ELOVL2: variants seen among roughly 807,000 people sequenced by gnomAD.
ELOVL2 encodes the protein ELOVL fatty acid elongase 2, also known as very long chain fatty acid elongase 2.
ELOVL2 carries 38 observed loss-of-function variants against 37.7 expected under a neutral mutation model. The observed-to-expected ratio is 1.01, with a 90% CI of 0.78 to 1.32. The LOEUF is 1.32. ELOVL2 is among the 40% of genes most tolerant of loss of function. ELOVL2 has a pLI of 0.00. For missense variants in ELOVL2, 352 were observed against 363.6 expected (o/e 0.97, Z 0.26); for synonymous variants, 115 against 122.3 (o/e 0.94, Z 0.40).
chr6:11,035,020 T>A (rs1782985739), intron 1 of ELOVL2, among the ~76,000 whole-genome samples: 1 of 151,964 alleles, frequency 6.6e-6, no homozygotes, highest in Non-Finnish European at 1.5e-5. Flanking sequence ...AATAAATAAA[T>A]AAATAAAATA....
intron 5 of ELOVL2, among the ~76,000 whole-genome samples, chr6:10,993,682 CTT>C (rs530998480): frequency 2.0e-5 from 3 of 151,812 alleles, no homozygotes; most frequent in East Asian, 1.9e-4. Context: ...CATGTCTACA[CTT>C]TTTTGTTTTG....
intron 1 of ELOVL2, among the ~76,000 whole-genome samples, chr6:11,043,145 AG>A (rs946464285): frequency 1.3e-5 from 2 of 152,154 alleles, no homozygotes; most frequent in African/African-American, 4.8e-5. Flanking sequence ...CGTGCCTAAA[AG>A]GGTAGCCAGA....
At chr6:10,997,998 G>C (rs919521701) in intron 4 of ELOVL2, among the ~76,000 whole-genome samples, 2 of 152,120 alleles carry the variant, frequency 1.3e-5, no homozygotes, top group African/African-American at 4.8e-5. Context: ...TTTGGGTCAC[G>C]GTGGCAGATC....
intron 1 of ELOVL2, among the ~76,000 whole-genome samples, chr6:11,042,207 G>A (rs1326634154): frequency 3.3e-5 from 5 of 152,112 alleles, no homozygotes; most frequent in Admixed American, 6.5e-5. Flanking sequence ...CAGCTACTCA[G>A]GAGGCTGAGG....
chr6:11,001,425 G>A (rs759462840), intron 3 of ELOVL2, among the ~76,000 whole-genome samples: 1 of 152,192 alleles, frequency 6.6e-6, no homozygotes, highest in Non-Finnish European at 1.5e-5. Context: ...GGGAATCAGC[G>A]ACTGGCTAGA....
At chr6:11,013,714 G>A (rs755324426) in intron 1 of ELOVL2, among the ~76,000 whole-genome samples, 5 of 152,160 alleles carry the variant, frequency 3.3e-5, no homozygotes, top group Non-Finnish European at 7.4e-5. Context: ...AGATACAGGC[G>A]TGCGGATGCA....
At chr6:10,987,727 G>T (rs1013147546) in intron 7 of ELOVL2, among the ~76,000 whole-genome samples, 1 of 152,160 alleles carries the variant, frequency 6.6e-6, no homozygotes, top group African/African-American at 2.4e-5. Flanking sequence ...AAAGTATTCT[G>T]CATTAGTTGC....
chr6:10,989,026 C>T (rs1420716766), intron 7 of ELOVL2, among the ~76,000 whole-genome samples: 2 of 152,232 alleles, frequency 1.3e-5, no homozygotes, highest in Non-Finnish European at 2.9e-5. Context: ...CCTTGCTTTG[C>T]TCCATTCACA....
chr6:10,993,613 G>A lies in ELOVL2; in HGVS notation c.505+1394C>T, dbSNP rs142796019. Among the ~76,000 whole-genome samples the A allele has an allele frequency of 2.7e-3, 412 of 152,248 alleles. 1 individual carries two copies. Among genetic ancestry groups the A allele is most frequent in the African/African-American group, 8.7e-3 (362 of 41,542 alleles). On this transcript the variant is annotated intron_variant, in intron 5 of 7. Coordinates refer to ENST00000354666, the MANE Select transcript of ELOVL2 (RefSeq NM_017770.4). Reference sequence around the variant, plus strand: ...GTTGGAATTAATGTCTCTAGACATGGGTCATGGGGCCTAGAAATCATGTAA... The same window carrying A: ...GTTGGAATTAATGTCTCTAGACATGAGTCATGGGGCCTAGAAATCATGTAA...
chr6:11,044,148 G>A lies in ELOVL2; in HGVS notation c.3+80C>T. On this transcript the variant is annotated intron_variant, in intron 1 of 7. Coordinates refer to ENST00000354666, the MANE Select transcript of ELOVL2 (RefSeq NM_017770.4). The surrounding 1 kb of genome is among the most constrained non-coding windows in gnomAD (Gnocchi z 5.6). ...GCAGCGCCCGCGCCGGCGCCCGCTC[G>A]GCCCTTTCCCGCCCGGTGCGTGGGT... 7.2e-7 allele frequency: 1 copy of A among 1,392,826 alleles called. No homozygotes were observed. 86.3% of individuals were successfully genotyped at this position (1,392,826 alleles called of 1,614,324 possible).
At chr6:11,003,509 T>G (rs758962191) in intron 3 of ELOVL2, among the ~76,000 whole-genome samples, 34 of 152,210 alleles carry the variant, frequency 2.2e-4, no homozygotes, top group Non-Finnish European at 3.8e-4. Context: ...GGCTGCATAG[T>G]ATTCCATGGT....
chr6:10,985,722 A>G (rs59943678), intron 7 of ELOVL2, among the ~76,000 whole-genome samples: 1 of 151,754 alleles, frequency 6.6e-6, no homozygotes, highest in Non-Finnish European at 1.5e-5. Context: ...TGTTTTGGTA[A>G]CAGTACCATG....
chr6:11,014,011 T>C (rs1300192182), intron 1 of ELOVL2, among the ~76,000 whole-genome samples: 2 of 152,180 alleles, frequency 1.3e-5, no homozygotes, highest in Non-Finnish European at 2.9e-5. Context: ...AACAACTCCT[T>C]GCCCTTACAA....
chr6:10,991,972 C>G (rs745854795), intron 5 of ELOVL2, among the ~76,000 whole-genome samples: 1 of 152,190 alleles, frequency 6.6e-6, no homozygotes, highest in African/African-American at 2.4e-5. Context: ...GAAATTGTCA[C>G]AGTATTTACA....
intron 1 of ELOVL2, among the ~76,000 whole-genome samples, chr6:11,025,090 G>T (rs372548696): frequency 1.3e-5 from 2 of 152,090 alleles, no homozygotes; most frequent in Admixed American, 6.6e-5. Flanking sequence ...TAGGGGCAAC[G>T]GCGTAATCTC....
rs983629123 is a variant in ELOVL2, at chr6:11,044,034, C to T, written c.3+194G>A. 5.3e-5 allele frequency among the ~76,000 whole-genome samples: 8 copies of T among 151,478 alleles called. No homozygotes were observed. Among genetic ancestry groups the T allele is most frequent in the Non-Finnish European group, 1.0e-4 (7 of 67,800 alleles). On this transcript the variant is annotated intron_variant, in intron 1 of 7. Transcript: ENST00000354666. This position sits in a 1 kb window ranked among gnomAD's most constrained non-coding sequence, Gnocchi z 5.6. ...GACCCGCGGGCCTCGGGCCGACCCGCGCGCCCCCGGCCCAAACGCTCAGCT... is the reference window on the plus strand; with the variant it reads ...GACCCGCGGGCCTCGGGCCGACCCGTGCGCCCCCGGCCCAAACGCTCAGCT...
chr6:10,997,086 TTTAG>T (rs1782284239), intron 4 of ELOVL2, among the ~76,000 whole-genome samples: 1 of 152,344 alleles, frequency 6.6e-6, no homozygotes, highest in Non-Finnish European at 1.5e-5. Flanking sequence ...ATATGTCATG[TTTAG>T]TTATAGAAAA....
intron 1 of ELOVL2, 79 bp from the exon 2 acceptor site, chr6:11,010,888 A>C: frequency 9.4e-7 from 1 of 1,063,656 alleles, no homozygotes; most frequent in Non-Finnish European, 1.4e-6. Context: ...ACTACCAACA[A>C]CATGTAACTG....
In ELOVL2 at chr6:10,990,331, G is replaced by T; in HGVS notation, c.617C>A (p.Thr206Lys). The change falls in exon 6 of 8, where the codon ACA becomes AAA. Residue 206 changes from threonine to lysine, a missense_variant. Coordinates refer to ENST00000354666, the MANE Select transcript of ELOVL2 (RefSeq NM_017770.4). ...GGGACAACATACCAGCTGAGCCTGT[G>T]TGAGATATTTCTTCCACCAAAGATA... ...HKYLWWKKYL[T>K]QAQLVQFVLT... is the part of the protein sequence containing the mutation. 1.2e-6 allele frequency: 2 copies of T among 1,612,520 alleles called. No homozygotes were observed. The highest frequency in any genetic ancestry group is 2.2e-5 in the South Asian group (2 of 90,508).
Sources: allele counts gnomAD v4.1 joint callset (sites outside exome capture counted in the v4.1 genomes callset), GRCh38; gene constraint gnomAD v4.1.1; non-coding constraint Gnocchi (gnomAD v3.1); transcripts MANE v1.5; gene names NCBI Gene and HGNC (gene_info 2026-07-23, HGNC 2026-07-21).